The following EPB41L4A variants were observed in gnomAD, a reference collection of about 807,000 sequenced individuals.
EPB41L4A encodes the protein band 4.1-like protein 4A.
A neutral mutation model predicts 108.6 loss-of-function variants in EPB41L4A; 100 were observed. The observed-to-expected ratio is 0.92, with a 90% CI of 0.78 to 1.09. EPB41L4A has a LOEUF of 1.09. EPB41L4A is among the 50% of genes least tolerant of loss of function. The pLI is 0.00. For synonymous variants in EPB41L4A, 319 were observed against 289.0 expected, an observed-to-expected ratio of 1.10 and a Z score of -1.05; for missense variants, 1,030 against 842.7, an observed-to-expected ratio of 1.22 and a Z score of -2.75.
At chr5:112,409,730 G>A (rs1298283701) in intron 1 of EPB41L4A, among the ~76,000 whole-genome samples, 1 of 152,070 alleles carries the variant, frequency 6.6e-6, no homozygotes, top group Non-Finnish European at 1.5e-5. Context: ...TCTCCCTCAA[G>A]GCTTTCCATC....
intron 1 of EPB41L4A, among the ~76,000 whole-genome samples, chr5:112,308,001 T>G (rs1190380728): frequency 6.6e-6 from 1 of 152,176 alleles, no homozygotes; most frequent in Non-Finnish European, 1.5e-5. Context: ...AAGCTAATGT[T>G]CTGAAAAGCC....
At chr5:112,322,741 CCA>C (rs1220892614) in intron 1 of EPB41L4A, among the ~76,000 whole-genome samples, 4 of 150,916 alleles carry the variant, frequency 2.7e-5, no homozygotes, top group Non-Finnish European at 4.4e-5. Flanking sequence ...CACACACACC[CCA>C]CACACACACA....
Position 112,234,641 on chromosome 5 carries a change from C to T in EPB41L4A, c.1080G>A (p.Gln360=), listed in dbSNP as rs1159060131. The T allele has an allele frequency of 2.6e-5, 42 of 1,612,570 alleles. No homozygotes were observed. The highest frequency in any genetic ancestry group is 1.0e-4 in the Admixed American group (6 of 59,980). Residue 360 remains glutamine, a synonymous_variant, in exon 12 of 23, where the codon CAG becomes CAA. Transcript: ENST00000261486. ...AGGGGAACCATGACTTACCAGCTGG[C>T]TGTGTTTGTGCTATTCGCTTAGGGT... ...KTYPKRIAQT[Q]PAESNSISRI...
intron 1 of EPB41L4A, among the ~76,000 whole-genome samples, chr5:112,348,679 G>C (rs1211662737): frequency 1.3e-5 from 2 of 152,166 alleles, no homozygotes; most frequent in African/African-American, 4.8e-5. Flanking sequence ...GTTTTATGGA[G>C]AGAGAAAACG....
chr5:112,144,759 C>T (rs371765381), intron 13 of EPB41L4A, among the ~76,000 whole-genome samples: 1 of 152,058 alleles, frequency 6.6e-6, no homozygotes, highest in African/African-American at 2.4e-5. Context: ...GACATTGGGG[C>T]CATGGGTGTT....
chr5:112,265,911 T>G (rs996103699), intron 5 of EPB41L4A, among the ~76,000 whole-genome samples: 3 of 152,162 alleles, frequency 2.0e-5, no homozygotes, highest in African/African-American at 7.2e-5. Context: ...CATAGAAGCT[T>G]GGGAGAGGGT....
In EPB41L4A at chr5:112,419,119, A is replaced by C; in HGVS notation, c.-80T>G. The C allele has an allele frequency of 9.3e-7, 1 of 1,079,416 alleles. No homozygotes were observed. The highest frequency in any genetic ancestry group is 1.4e-6 in the Non-Finnish European group (1 of 704,844). 66.9% of individuals were successfully genotyped at this position (1,079,416 alleles called of 1,614,324 possible). A position where few individuals can be genotyped will look rare whatever the true frequency, so the allele number is the denominator to read the frequency against. On this transcript the variant is annotated 5_prime_UTR_variant, in exon 1 of 23. An upstream start codon of the reference 5' UTR is lost. Transcript: ENST00000261486. ...CGCCCCCTCCACTCAAGCGCGATGC[A>C]TTAATTTATTGTCCGCGCCGTGGCG... is the stretch of plus-strand genomic sequence containing the variant.
chr5:112,257,295 A>G (rs529548072), intron 9 of EPB41L4A: 2 of 152,310 alleles, frequency 1.3e-5, no homozygotes, highest in East Asian at 3.9e-4. Flanking sequence ...CAATAAAAAA[A>G]AACCTTTAAT....
chr5:112,157,588 C>T (rs374885711), intron 12 of EPB41L4A, among the ~76,000 whole-genome samples: 1 of 152,186 alleles, frequency 6.6e-6, no homozygotes, highest in East Asian at 1.9e-4. Flanking sequence ...TGGCTTGTGG[C>T]CCCTTCCTAC....
At chr5:112,332,463 A>G (rs1756630170) in intron 1 of EPB41L4A, among the ~76,000 whole-genome samples, 1 of 152,112 alleles carries the variant, frequency 6.6e-6, no homozygotes, top group Non-Finnish European at 1.5e-5. Flanking sequence ...ATGCGTATTG[A>G]TTTTTATTTT....
chr5:112,217,210 C>T (rs1372212964), intron 12 of EPB41L4A, among the ~76,000 whole-genome samples: 1 of 152,096 alleles, frequency 6.6e-6, no homozygotes, highest in East Asian at 1.9e-4. Flanking sequence ...TCCCAAAATG[C>T]TAGAATTACA....
chr5:112,365,293 T>C (rs1404668723), intron 1 of EPB41L4A, among the ~76,000 whole-genome samples: 1 of 152,150 alleles, frequency 6.6e-6, no homozygotes, highest in Admixed American at 6.5e-5. Context: ...CTCAAACTCC[T>C]AGACTGTAAT....
At chr5:112,203,601 C>T (rs1166623989) in intron 15 of EPB41L4A, among the ~76,000 whole-genome samples, 1 of 152,144 alleles carries the variant, frequency 6.6e-6, no homozygotes, top group Non-Finnish European at 1.5e-5. Context: ...AATATTATCC[C>T]TTCAAACACT....
intron 1 of EPB41L4A, among the ~76,000 whole-genome samples, chr5:112,328,244 G>C (rs6894801): frequency 0.22 from 33,669 of 151,792 alleles, 5,090 homozygotes; most frequent in African/African-American, 0.43. Context: ...AGGGGGCAGA[G>C]GTTACAGTAG....
intron 1 of EPB41L4A, among the ~76,000 whole-genome samples, chr5:112,357,936 G>T (rs542489866): frequency 6.8e-4 from 104 of 152,324 alleles, no homozygotes; most frequent in African/African-American, 2.5e-3. Flanking sequence ...AAATTACAAG[G>T]CTGTGGAGAA....
At chr5:112,153,771 A>C (rs1357888574) in intron 12 of EPB41L4A, among the ~76,000 whole-genome samples, 1 of 151,462 alleles carries the variant, frequency 6.6e-6, no homozygotes, top group Non-Finnish European at 1.5e-5. Flanking sequence ...AACACAGCAT[A>C]CAAGTAGAGA....
chr5:112,207,132 C>T (rs1762513000), intron 13 of EPB41L4A: 1 of 152,194 alleles, frequency 6.6e-6, no homozygotes, highest in Non-Finnish European at 1.5e-5. Context: ...GAAACAAAGT[C>T]ATACACCTAC....
chr5:112,339,561 T>A (rs1204868804), intron 1 of EPB41L4A, among the ~76,000 whole-genome samples: 3 of 143,690 alleles, frequency 2.1e-5, no homozygotes, highest in Non-Finnish European at 4.5e-5. Context: ...TTAGACAGAG[T>A]CTCATTCTGT....
rs140990653 is a variant in EPB41L4A at position 112,301,167 on chromosome 5, C to T, written c.204+6219G>A. Among the ~76,000 whole-genome samples, 671 of 152,060 alleles carry T rather than the reference C, an allele frequency of 4.4e-3. 6 individuals carry two copies. Among genetic ancestry groups the T allele is most frequent in the African/African-American group, 0.015 (622 of 41,486 alleles). On this transcript the variant is annotated intron_variant, in intron 2 of 22. Transcript: ENST00000261486. Reference sequence around the variant, plus strand: ...TTCAGGTCAATCAGGGACTTTTTCTCGGTTTAGATCCACTGCTGATGAGAG... The same window carrying T: ...TTCAGGTCAATCAGGGACTTTTTCTTGGTTTAGATCCACTGCTGATGAGAG...
Sources: gnomAD v4.1 joint callset for allele counts (sites outside exome capture counted in the v4.1 genomes callset) on GRCh38, gnomAD v4.1.1 for gene constraint, MANE v1.5 for transcripts, NCBI Gene and HGNC (gene_info 2026-07-23, HGNC 2026-07-21) for gene names.